The following DTHD1 variants were observed in gnomAD, a reference collection of about 807,000 sequenced individuals.
DTHD1 encodes the protein death domain containing 1.
Under a neutral mutation model 74.8 loss-of-function variants are expected in DTHD1, and 59 were observed. The ratio of observed to expected loss-of-function variants is 0.79; its 90% confidence interval spans 0.64 to 0.98. The LOEUF (loss-of-function observed/expected upper bound fraction) is 0.98. Among genes scored for constraint, DTHD1 ranks in the 50% least tolerant of loss-of-function variants. The pLI is 0.00. For missense variants in DTHD1, 1,051 were observed against 1,065.4 expected, an observed-to-expected ratio of 0.99 and a Z score of 0.19; for synonymous variants, 365 against 371.1, an observed-to-expected ratio of 0.98 and a Z score of 0.19.
At chr4:36,333,798 C>T (rs1321044823) in intron 8 of DTHD1, 1 of 152,264 alleles carries the variant, frequency 6.6e-6, no homozygotes, top group Non-Finnish European at 1.5e-5. Context: ...GCTGCATGGT[C>T]CAGCTGAGCA....
intron 7 of DTHD1, 49 bp from the exon 8 acceptor site, chr4:36,316,193 C>G (rs1757715060): frequency 6.5e-7 from 1 of 1,528,142 alleles, no homozygotes; most frequent in Middle Eastern, 1.7e-4. Context: ...CCTCGGCCTC[C>G]CAAAGTGAGA....
Position 36,290,393 on chromosome 4 carries a change from AT to A in DTHD1, c.909del (p.Asp303GlufsTer21). 6.4e-7 allele frequency: 1 copy of A among 1,550,750 alleles called. No individual in the cohort carries two copies. The highest frequency in any genetic ancestry group is 8.7e-7 in the Non-Finnish European group (1 of 1,146,090). On this transcript the variant is annotated frameshift_variant, in exon 3 of 10. Coordinates refer to ENST00000639862, the MANE Select transcript of DTHD1 (RefSeq NM_001170700.3). LOFTEE classifies it high-confidence loss of function. ...TCCAGGTATCTTGATGTGCTGAGTGATGTTACTGGCCCCCAAGTGTCTTGTT... is the reference window on the plus strand; with the variant it reads ...TCCAGGTATCTTGATGTGCTGAGTGAGTTACTGGCCCCCAAGTGTCTTGTT... ...MEKEYLDVLSDVTGPQVSCYI... is the reference protein window; with the variant it reads ...MEKEYLDVLSXVTGPQVSCYI...
chr4:36,286,783 A>G (rs541005649), intron 2 of DTHD1, among the ~76,000 whole-genome samples: 2 of 152,222 alleles, frequency 1.3e-5, no homozygotes, highest in Non-Finnish European at 2.9e-5. Context: ...TATACGGAAT[A>G]CTTTAGGCAG....
chr4:36,296,537 C>T (rs1456089840), intron 5 of DTHD1, among the ~76,000 whole-genome samples: 1 of 151,632 alleles, frequency 6.6e-6, no homozygotes, highest in African/African-American at 2.4e-5. Context: ...CTTTTAAGAG[C>T]GAGTGTAAGC....
intron 4 of DTHD1, among the ~76,000 whole-genome samples, chr4:36,294,175 G>A (rs1007922491): frequency 6.6e-5 from 10 of 151,820 alleles, no homozygotes; most frequent in Admixed American, 5.9e-4. Context: ...AACACTATTT[G>A]CAAAGGGCAT....
chr4:36,318,800 G>C (rs1210379559), intron 8 of DTHD1, among the ~76,000 whole-genome samples: 1 of 151,956 alleles, frequency 6.6e-6, no homozygotes, highest in Non-Finnish European at 1.5e-5. Context: ...ATTTTTAGTA[G>C]AGACGGGGTT....
intron 2 of DTHD1, among the ~76,000 whole-genome samples, chr4:36,290,056 A>G (rs71604023): frequency 6.6e-6 from 1 of 152,242 alleles, no homozygotes; most frequent in Admixed American, 6.5e-5. Context: ...TGCTTAAATA[A>G]CAATAGTAAC....
Position 36,281,830 on chromosome 4 carries a change from G to A in DTHD1, c.72G>A (p.Met24Ile). The A allele has an allele frequency of 8.0e-7, 1 of 1,244,408 alleles. No individual in the cohort carries two copies. The allele number at this position is 1,244,408 out of a possible 1,614,324, so 77.1% of individuals were successfully genotyped here. ...AGCAGATTTGGAGACAAAACCAGAT[G>A]CTAAAGCAGGCACTCTTGGGTGATG... ...ILKQIWRQNQ[M>I]LKQALLGDDL... The change falls in exon 1 of 10, where the codon ATG becomes ATA. Residue 24 changes from methionine (M) to isoleucine (I), a missense_variant. Transcript: ENST00000639862.
chr4:36,337,289 G>T (rs763994007), intron 8 of DTHD1, among the ~76,000 whole-genome samples: 1 of 152,150 alleles, frequency 6.6e-6, no homozygotes, highest in African/African-American at 2.4e-5. Context: ...AAAAGAGCCT[G>T]AGCTACCCCA....
At chr4:36,288,752 A>T (rs924592547) in intron 2 of DTHD1, among the ~76,000 whole-genome samples, 3 of 152,206 alleles carry the variant, frequency 2.0e-5, no homozygotes, top group Middle Eastern at 3.2e-3. Context: ...AAGAGAATGG[A>T]ACCATTTAAA....
chr4:36,284,412 G>A lies in DTHD1; in HGVS notation c.708G>A (p.Arg236=). The change falls in exon 2 of 10, where the codon AGG becomes AGA. Residue 236 remains arginine, a synonymous_variant. Coordinates refer to ENST00000639862, the MANE Select transcript of DTHD1 (RefSeq NM_001170700.3). ...CTGTTGAGAACATAAATGGCAACAGGGAAGAGACTCATGGCATAATTCAGA... is the reference window on the plus strand; with the variant it reads ...CTGTTGAGAACATAAATGGCAACAGAGAAGAGACTCATGGCATAATTCAGA... ...HMTVENINGN[R]EETHGIIQTT... 6.5e-7 allele frequency: 1 copy of A among 1,537,004 alleles called. No homozygotes were observed. Among genetic ancestry groups the A allele is most frequent in the Non-Finnish European group, 8.7e-7 (1 of 1,146,808 alleles).
chr4:36,303,841 G>T (rs1452874863), intron 5 of DTHD1, among the ~76,000 whole-genome samples: 1 of 152,174 alleles, frequency 6.6e-6, no homozygotes, highest in Non-Finnish European at 1.5e-5. Flanking sequence ...CCTCACTCTA[G>T]ATAGAACAGC....
rs34134908 is a variant in DTHD1, at chr4:36,284,236, GA to G, written c.539del (p.Asn180IlefsTer5). On this transcript the variant is annotated frameshift_variant, in exon 2 of 10. Coordinates refer to ENST00000639862, the MANE Select transcript of DTHD1 (RefSeq NM_001170700.3). LOFTEE classifies it high-confidence loss of function. ...ESHYTNQVQL[E>X]KNKTHMSSAL... ...TCATTACACAAACCAGGTCCAGTTA[GA>G]AAAAAATAAAACACATATGAGTTCA... 2 of 1,536,802 alleles carry G rather than the reference GA, an allele frequency of 1.3e-6. No homozygotes were observed. Among genetic ancestry groups the G allele is most frequent in the Admixed American group, 2.0e-5 (1 of 50,952 alleles).
At chr4:36,339,191 A>G (rs1025118229) in intron 9 of DTHD1, 22 bp downstream of exon 9, 1 of 1,508,580 alleles carries the variant, frequency 6.6e-7, no homozygotes, top group East Asian at 2.5e-5. Context: ...TTGCTTTGTC[A>G]TCATTATAGT....
At chr4:36,291,097 G>T (rs1756049806) in intron 3 of DTHD1, among the ~76,000 whole-genome samples, 2 of 152,146 alleles carry the variant, frequency 1.3e-5, no homozygotes, top group African/African-American at 4.8e-5. Flanking sequence ...TCCACGGGTT[G>T]GGAAAATAGA....
At chr4:36,317,395 T>A (rs575023626) in intron 8 of DTHD1, among the ~76,000 whole-genome samples, 1 of 152,204 alleles carries the variant, frequency 6.6e-6, no homozygotes, top group African/African-American at 2.4e-5. Flanking sequence ...ACTTGAAATA[T>A]GGCTAGTCTA....
intron 5 of DTHD1, among the ~76,000 whole-genome samples, 185 bp from the exon 6 acceptor site, chr4:36,306,006 G>A (rs1444344945): frequency 3.3e-5 from 5 of 152,066 alleles, no homozygotes; most frequent in African/African-American, 9.7e-5. Flanking sequence ...GTGTTACTAC[G>A]TGCTTCTTTA....
intron 8 of DTHD1, among the ~76,000 whole-genome samples, chr4:36,317,211 C>T (rs928866209): frequency 6.6e-6 from 1 of 152,124 alleles, no homozygotes; most frequent in African/African-American, 2.4e-5. Flanking sequence ...TTAGATTTTG[C>T]ACTGATTTAA....
chr4:36,331,191 C>T (rs979029594), intron 8 of DTHD1, among the ~76,000 whole-genome samples: 2 of 151,946 alleles, frequency 1.3e-5, no homozygotes, highest in Non-Finnish European at 2.9e-5. Flanking sequence ...GTAAATAACC[C>T]TTTACTATAT....
Sources: allele counts gnomAD v4.1 joint callset (sites outside exome capture counted in the v4.1 genomes callset), GRCh38; gene constraint gnomAD v4.1.1; transcripts MANE v1.5; gene names NCBI Gene and HGNC (gene_info 2026-07-23, HGNC 2026-07-21).